Variants in OTUD7A observed in about 807,000 individuals in gnomAD.
OTUD7A encodes the protein OTU domain-containing protein 7A.
A neutral mutation model predicts 65.7 loss-of-function variants in OTUD7A; 12 were observed. That is an observed-to-expected ratio of 0.18 (90% CI 0.12 to 0.30). The LOEUF is 0.30. Ranked by LOEUF, OTUD7A falls within the 10% of genes least tolerant of loss-of-function variation. The probability of loss-of-function intolerance (pLI) is 1.00; values close to 1 mark genes in which losing one functional copy is unlikely to be tolerated. For synonymous variants in OTUD7A, 641 were observed against 586.3 expected (o/e 1.09, Z -1.35); for missense variants, 1,148 against 1,304.8 (o/e 0.88, Z 1.85).
At chr15:31,515,953 T>TCCATCCAC (rs1555392351) in intron 8 of OTUD7A, among the ~76,000 whole-genome samples, 1 of 140,656 alleles carries the variant, frequency 7.1e-6, no homozygotes, top group African/African-American at 2.6e-5. Context: ...CATCCATCCA[T>TCCATCCAC]CCACCCACCC....
rs958025652 is a variant in OTUD7A, at chr15:31,630,500, C to T, written c.151+24596G>A. Among the ~76,000 whole-genome samples, 5 of 152,194 alleles carry T rather than the reference C, an allele frequency of 3.3e-5. No homozygotes were observed. The South Asian group carries it at 1.0e-3, about 32-fold the overall frequency. The stretch of plus-strand genomic sequence containing the variant: ...GTTCTTTTACATTTGCTGAGGAGTG[C>T]TTTACTTCCAACTATGTGGTCAATT... On this transcript the variant is annotated intron_variant, in intron 3 of 12. Coordinates refer to ENST00000307050, the MANE Select transcript of OTUD7A (RefSeq NM_001382637.1).
At chr15:31,779,543 G>C (rs1024592222) in intron 1 of OTUD7A, among the ~76,000 whole-genome samples, 3 of 152,130 alleles carry the variant, frequency 2.0e-5, no homozygotes, top group African/African-American at 7.2e-5. Flanking sequence ...GGTAATTGAC[G>C]GTAAAGAAGC....
At chr15:31,633,796 C>G (rs1035715323) in intron 3 of OTUD7A, among the ~76,000 whole-genome samples, 15 of 152,138 alleles carry the variant, frequency 9.9e-5, no homozygotes, top group African/African-American at 3.4e-4. Flanking sequence ...AAGGCTTCAG[C>G]CCTCAGAGCC....
chr15:31,740,311 ACT>A (rs1894306130), intron 1 of OTUD7A, among the ~76,000 whole-genome samples: 1 of 151,022 alleles, frequency 6.6e-6, no homozygotes, highest in Non-Finnish European at 1.5e-5. Flanking sequence ...GCCCCAGGAG[ACT>A]CTCCGCTTTC....
chr15:31,860,677 G>GTGTATGTATA (rs560896384), intron 1 of OTUD7A, among the ~76,000 whole-genome samples: 2 of 73,284 alleles, frequency 2.7e-5, no homozygotes, highest in African/African-American at 9.3e-5. Context: ...ATGTATGTGT[G>GTGTATGTATA]TATATATATA....
chr15:31,625,768 A>T (rs1013247300), intron 3 of OTUD7A, among the ~76,000 whole-genome samples: 1 of 152,190 alleles, frequency 6.6e-6, no homozygotes, highest in African/African-American at 2.4e-5. Context: ...GATACCCATT[A>T]AATAGTGATG....
chr15:31,789,700 GCTGCCCTTTTTT>G (rs1484882254), intron 1 of OTUD7A, among the ~76,000 whole-genome samples: 1 of 130,598 alleles, frequency 7.7e-6, no homozygotes, highest in East Asian at 2.5e-4. Flanking sequence ...GAAATCCAAT[GCTGCCCTTTTTT>G]TTTTTTTTTT....
intron 1 of OTUD7A, among the ~76,000 whole-genome samples, chr15:31,780,357 G>A (rs2140924983): frequency 1.3e-5 from 2 of 152,242 alleles, no homozygotes; most frequent in Middle Eastern, 3.4e-3. Flanking sequence ...GAAATTAAGA[G>A]GAGAAAATCA....
chr15:31,829,176 A>G (rs1160978049), intron 1 of OTUD7A, among the ~76,000 whole-genome samples: 1 of 152,198 alleles, frequency 6.6e-6, no homozygotes, highest in African/African-American at 2.4e-5. Flanking sequence ...AAGACTAGAG[A>G]CATGAAGACA....
At chr15:31,786,105 C>T (rs918471473) in intron 1 of OTUD7A, among the ~76,000 whole-genome samples, 2 of 152,088 alleles carry the variant, frequency 1.3e-5, no homozygotes, top group African/African-American at 2.4e-5. Context: ...CCATATGATG[C>T]CGTGCGCCAC....
chr15:31,503,094 T>G (rs1292825659), intron 9 of OTUD7A, among the ~76,000 whole-genome samples: 5 of 152,056 alleles, frequency 3.3e-5, no homozygotes, highest in Admixed American at 3.3e-4. Flanking sequence ...TGGGCTTCAG[T>G]TTCATCTCTG....
chr15:31,513,437 A>G (rs554612166), intron 8 of OTUD7A, among the ~76,000 whole-genome samples: 1 of 152,314 alleles, frequency 6.6e-6, no homozygotes, highest in South Asian at 2.1e-4. Flanking sequence ...CAGCTGTCCC[A>G]ATAATGCCTT....
At chr15:31,739,301 C>A (rs1418709939) in intron 1 of OTUD7A, among the ~76,000 whole-genome samples, 1 of 152,084 alleles carries the variant, frequency 6.6e-6, no homozygotes, top group Non-Finnish European at 1.5e-5. Flanking sequence ...GTCATCCAGT[C>A]CAATGCTAAA....
At position 31,487,544 on chromosome 15, in the gene OTUD7A, A is replaced by C; in HGVS notation, c.1194T>G (p.Ser398=). The change falls in exon 11 of 13, where the codon TCT becomes TCG. Residue 398 remains serine (S), a synonymous_variant. Transcript: ENST00000307050. The surrounding 1 kb of genome is among the most constrained non-coding windows in gnomAD (Gnocchi z 6.0). ...AGTGCAGAGGCAGCAGCTTGTGCTC[A>C]GAATCCGTCAGGGGGATCACGGCTG... is the stretch of plus-strand genomic sequence containing the variant. The part of the protein sequence containing the change: ...REQAVIPLTD[S]EHKLLPLHFA... The C allele has an allele frequency of 1.9e-6, 3 of 1,613,926 alleles. No individual in the cohort carries two copies. The highest frequency in any genetic ancestry group is 1.7e-6 in the Non-Finnish European group (2 of 1,179,988).
chr15:31,777,577 A>T (rs1375699690), intron 1 of OTUD7A, among the ~76,000 whole-genome samples: 1 of 152,156 alleles, frequency 6.6e-6, no homozygotes, highest in African/African-American at 2.4e-5. Flanking sequence ...TGCGGGCACC[A>T]GCACAGAGCA....
intron 1 of OTUD7A, among the ~76,000 whole-genome samples, chr15:31,796,975 T>C (rs568401809): frequency 1.4e-4 from 21 of 152,304 alleles, no homozygotes; most frequent in Middle Eastern, 6.8e-3. Context: ...CCCAGGTGAT[T>C]CACCCGCCTT....
intron 5 of OTUD7A, among the ~76,000 whole-genome samples, chr15:31,534,787 G>A (rs1887742563): frequency 6.6e-6 from 1 of 152,088 alleles, no homozygotes; most frequent in South Asian, 2.1e-4. Context: ...GGACCCCGCC[G>A]ACATACACCC....
At chr15:31,673,739 G>C (rs996562266) in intron 1 of OTUD7A, among the ~76,000 whole-genome samples, 5 of 152,074 alleles carry the variant, frequency 3.3e-5, no homozygotes, top group African/African-American at 9.7e-5. Context: ...CTGGGTAAAG[G>C]CACCTTATTT....
At chr15:31,552,041 G>C (rs1048863438) in intron 5 of OTUD7A, among the ~76,000 whole-genome samples, 7 of 152,140 alleles carry the variant, frequency 4.6e-5, no homozygotes, top group Non-Finnish European at 1.0e-4. Context: ...TGAATGGCAG[G>C]GTGCCATCCT....
Sources: gnomAD v4.1 joint callset for allele counts (sites outside exome capture counted in the v4.1 genomes callset) on GRCh38, gnomAD v4.1.1 for gene constraint, Gnocchi (gnomAD v3.1) non-coding constraint, MANE v1.5 for transcripts, NCBI Gene and HGNC (gene_info 2026-07-23, HGNC 2026-07-21) for gene names.